Variants in ZNF284 observed in about 807,000 individuals in gnomAD.
ZNF284 encodes zinc finger protein 284.
Under a neutral mutation model 12.9 loss-of-function variants are expected in ZNF284, and 12 were observed. That is an observed-to-expected ratio of 0.93 (90% CI 0.60 to 1.51). The LOEUF (loss-of-function observed/expected upper bound fraction) is 1.51, where lower values mean the gene tolerates loss of function less well. ZNF284 is among the 40% of genes most tolerant of loss of function. ZNF284 has a pLI of 0.00. For missense variants in ZNF284, 667 were observed against 707.3 expected (o/e 0.94, Z 0.65); for synonymous variants, 225 against 236.5 (o/e 0.95, Z 0.45).
intron 4 of ZNF284, among the ~76,000 whole-genome samples, chr19:44,083,497 AGAGAGG>A (rs1173857921): frequency 0.067 from 5,342 of 80,140 alleles, 1,275 homozygotes; most frequent in Non-Finnish European, 0.11. Context: ...AGAGAGAGAG[AGAGAGG>A]GAATGGAATA....
chr19:44,080,999 A>T lies in ZNF284; in HGVS notation c.16-16A>T. ...ACTGGTCATGAGATTGAGATTGCAT[A>T]CGTTTGTTGTTGTAGGAGGCAGTGA... is the stretch of plus-strand genomic sequence containing the variant. On this transcript the variant is annotated splice_polypyrimidine_tract_variant and intron_variant, in intron 2 of 4. Transcript: ENST00000421176. 6.2e-7 allele frequency: 1 copy of T among 1,607,924 alleles called. No homozygotes were observed. The highest frequency in any genetic ancestry group is 8.5e-7 in the Non-Finnish European group (1 of 1,176,356).
chr19:44,076,632 A>G (rs1298833311), intron 2 of ZNF284, among the ~76,000 whole-genome samples: 2 of 152,026 alleles, frequency 1.3e-5, no homozygotes, highest in East Asian at 3.9e-4. Context: ...GGAAGGAACA[A>G]TTCTCCCATT....
chr19:44,081,691 G>T (rs11882151), intron 3 of ZNF284, among the ~76,000 whole-genome samples: 2,950 of 151,798 alleles, frequency 0.019, 101 homozygotes, highest in African/African-American at 0.068. Flanking sequence ...CAGCCTGGGC[G>T]ACAGAGCGAG....
rs1272681794 is a variant in ZNF284, at chr19:44,087,917, C to G, written c.*657C>G. 1 of 151,686 alleles carries G rather than the reference C, an allele frequency of 6.6e-6. No individual in the cohort carries two copies. Among genetic ancestry groups the G allele is most frequent in the African/African-American group, 2.4e-5 (1 of 41,250 alleles). 9.4% of individuals were successfully genotyped at this position (151,686 alleles called of 1,614,324 possible). On this transcript the variant is annotated 3_prime_UTR_variant, in exon 5 of 5. Coordinates refer to ENST00000421176, the MANE Select transcript of ZNF284 (RefSeq NM_001037813.4). ...CCCGAGTAGCTGGGACTACAGGCGC[C>G]CGCCACCACACCTGACTAATTGTTG...
At chr19:44,076,516 C>A in intron 2 of ZNF284, 112 bp downstream of exon 2, 2 of 1,137,782 alleles carry the variant, frequency 1.8e-6, no homozygotes, top group Non-Finnish European at 2.5e-6. Flanking sequence ...TATTTGTGCA[C>A]CTGTTGTGTG....
chr19:44,083,482 G>C lies in ZNF284; in HGVS notation c.235+1377G>C, dbSNP rs868130824. Among the ~76,000 whole-genome samples the C allele has an allele frequency of 7.9e-5, 6 of 76,176 alleles. 1 individual carries two copies. Among genetic ancestry groups the C allele is most frequent in the Non-Finnish European group, 1.5e-4 (5 of 34,472 alleles). 50.0% of individuals were successfully genotyped at this position (76,176 alleles called of 152,430 possible). ...ATATATATATATATATATAGAGAGA[G>C]AGAGAGAGAGAGAGAGAGAGGGAAT... is the stretch of plus-strand genomic sequence containing the variant. On this transcript the variant is annotated intron_variant, in intron 4 of 4. Transcript: ENST00000421176.
At chr19:44,085,649 G>A (rs938789835) in intron 4 of ZNF284, 65 bp from the exon 5 acceptor site, 2 of 1,404,282 alleles carry the variant, frequency 1.4e-6, no homozygotes, top group African/African-American at 2.9e-5. Flanking sequence ...TGTCCTAAGT[G>A]AAATCCTGAA....
At chr19:44,076,914 G>A (rs892638965) in intron 2 of ZNF284, among the ~76,000 whole-genome samples, 83 of 151,680 alleles carry the variant, frequency 5.5e-4, no homozygotes, top group Admixed American at 5.4e-3. Flanking sequence ...CCGCCTCCCG[G>A]GTTCAAGCGA....
At chr19:44,075,870 T>C (rs1196579156) in intron 1 of ZNF284, among the ~76,000 whole-genome samples, 4 of 152,220 alleles carry the variant, frequency 2.6e-5, no homozygotes, top group East Asian at 3.8e-4. Flanking sequence ...TCAGTTTAGA[T>C]CATTTTTATC....
intron 2 of ZNF284, among the ~76,000 whole-genome samples, chr19:44,078,244 A>T (rs995175362): frequency 2.0e-5 from 3 of 152,224 alleles, no homozygotes; most frequent in African/African-American, 7.2e-5. Context: ...TTATATTCAA[A>T]TACATGGGAT....
intron 1 of ZNF284, among the ~76,000 whole-genome samples, chr19:44,073,209 C>T (rs945022525): frequency 6.6e-6 from 1 of 152,162 alleles, no homozygotes; most frequent in African/African-American, 2.4e-5. Context: ...GGTGGAGCTG[C>T]GGTTGAAACC....
chr19:44,073,535 C>A (rs1966979526), intron 1 of ZNF284, among the ~76,000 whole-genome samples: 3 of 145,252 alleles, frequency 2.1e-5, no homozygotes, highest in African/African-American at 7.4e-5. Flanking sequence ...AACTGTTAAA[C>A]TTCGAGTGCA....
chr19:44,081,011 G>A lies in ZNF284; in HGVS notation c.16-4G>A, dbSNP rs779915661. The stretch of plus-strand genomic sequence containing the variant: ...ATTGAGATTGCATACGTTTGTTGTT[G>A]TAGGAGGCAGTGACCTTCAAGGATG... On this transcript the variant is annotated splice_polypyrimidine_tract_variant and splice_region_variant and intron_variant, in intron 2 of 4. Coordinates refer to ENST00000421176, the MANE Select transcript of ZNF284 (RefSeq NM_001037813.4). The A allele has an allele frequency of 1.7e-5, 28 of 1,610,604 alleles. No homozygotes were observed. Among genetic ancestry groups the A allele is most frequent in the Non-Finnish European group, 2.3e-5 (27 of 1,177,948 alleles).
chr19:44,074,246 G>A (rs1022050799), intron 1 of ZNF284, among the ~76,000 whole-genome samples: 5 of 151,962 alleles, frequency 3.3e-5, no homozygotes, highest in African/African-American at 7.3e-5. Context: ...CCAGCTACTC[G>A]GGAGGCTGAG....
At position 44,086,994 on chromosome 19, in the gene ZNF284, A is replaced by G. The variant is rs115665391; in HGVS notation, c.1516A>G (p.Thr506Ala). 1.1e-4 allele frequency: 175 copies of G among 1,614,232 alleles called. No homozygotes were observed. In the African/African-American group the frequency reaches 2.1e-3, roughly 19 times the overall value. Residue 506 changes from threonine to alanine, a missense_variant, in exon 5 of 5, where the codon ACT becomes GCT. Thr to Ala is a moderately conservative substitution (Grantham distance 58, BLOSUM62 0). Coordinates refer to ENST00000421176, the MANE Select transcript of ZNF284 (RefSeq NM_001037813.4). ...SKLRFHQRIHTGEKPYKCEEC... is the reference protein window; with the variant it reads ...SKLRFHQRIHAGEKPYKCEEC... ...ACTTCGTTTCCATCAAAGAATTCAC[A>G]CTGGAGAAAAGCCTTACAAATGTGA...
Position 44,086,008 on chromosome 19 carries a change from G to A in ZNF284, c.530G>A (p.Cys177Tyr), listed in dbSNP as rs1967232622. Residue 177 changes from cysteine (C) to tyrosine (Y), a missense_variant, in exon 5 of 5, where the codon TGT becomes TAT. Physicochemically the swap from Cys to Tyr is radical, Grantham distance 194. Transcript: ENST00000421176. ...CACTCAGGAAAGATATCCCATACAT[G>A]TAATGAGTACAGGAAGAGATTCTGT... Reference protein sequence around the residue: ...QLHSGKISHTCNEYRKRFCYS... With the variant: ...QLHSGKISHTYNEYRKRFCYS... 1.2e-6 allele frequency: 2 copies of A among 1,614,014 alleles called. No individual in the cohort carries two copies. The highest frequency in any genetic ancestry group is 1.7e-6 in the Non-Finnish European group (2 of 1,180,020).
At chr19:44,083,468 TATATATAGAG>T (rs1486857750) in intron 4 of ZNF284, among the ~76,000 whole-genome samples, 2 of 62,380 alleles carry the variant, frequency 3.2e-5, no homozygotes, top group African/African-American at 1.0e-4. Context: ...TATATATATA[TATATATAGAG>T]AGAGAGAGAG....
Position 44,086,769 on chromosome 19 carries a change from A to G in ZNF284, c.1291A>G (p.Lys431Glu), listed in dbSNP as rs760995733. Residue 431 changes from lysine (K) to glutamate (E), a missense_variant, in exon 5 of 5, where the codon AAG becomes GAG. Physicochemically the swap from Lys to Glu is moderately conservative, Grantham distance 56. Coordinates refer to ENST00000421176, the MANE Select transcript of ZNF284 (RefSeq NM_001037813.4). ...AGAAGAAGAACTGTATAAATGTCAG[A>G]AGTGTGGGAAGGGCTACATTAGTAA... is the stretch of plus-strand genomic sequence containing the variant. Reference protein sequence around the residue: ...YREEELYKCQKCGKGYISKFN... With the variant: ...YREEELYKCQECGKGYISKFN... The G allele has an allele frequency of 4.5e-5, 72 of 1,613,920 alleles. 1 individual carries two copies. Among genetic ancestry groups the G allele is most frequent in the South Asian group, 2.0e-4 (18 of 91,078 alleles).
At position 44,087,592 on chromosome 19, in the gene ZNF284, C is replaced by CTTT. The variant is rs924151303; in HGVS notation, c.*356_*358dup. 2.9e-3 allele frequency: 288 copies of CTTT among 100,250 alleles called. 17 individuals are homozygous for CTTT. The highest frequency in any genetic ancestry group is 0.012 in the African/African-American group (265 of 21,414). 6.2% of individuals were successfully genotyped at this position (100,250 alleles called of 1,614,324 possible). A position where few individuals can be genotyped will look rare whatever the true frequency, so the allele number is the denominator to read the frequency against. On this transcript the variant is annotated 3_prime_UTR_variant, in exon 5 of 5. Transcript: ENST00000421176. ...TAATTGCTATGCCATGCTGCTTCTG[C>CTTT]TTTTTTTTTTTTTTTTTTTTTTTTT...
Sources: allele counts gnomAD v4.1 joint callset (sites outside exome capture counted in the v4.1 genomes callset), GRCh38; gene constraint gnomAD v4.1.1; transcripts MANE v1.5; gene names NCBI Gene and HGNC (gene_info 2026-07-23, HGNC 2026-07-21).